The following FBXL7 variants were observed in gnomAD, a reference collection of about 807,000 sequenced individuals.
The protein encoded by FBXL7 is F-box and leucine rich repeat protein 7.
A neutral mutation model predicts 38.3 loss-of-function variants in FBXL7; 12 were observed. The observed-to-expected ratio is 0.31, with a 90% CI of 0.20 to 0.51. The LOEUF (loss-of-function observed/expected upper bound fraction) is 0.51. FBXL7 is among the 20% of genes least tolerant of loss of function. The pLI is 0.98. For synonymous variants in FBXL7, 297 were observed against 300.9 expected, an observed-to-expected ratio of 0.99 and a Z score of 0.13; for missense variants, 567 against 676.4, an observed-to-expected ratio of 0.84 and a Z score of 1.79.
At chr5:15,748,966 C>T (rs1561111079) in intron 2 of FBXL7, among the ~76,000 whole-genome samples, 1 of 152,138 alleles carries the variant, frequency 6.6e-6, no homozygotes, top group Non-Finnish European at 1.5e-5. Flanking sequence ...AACAGTTAGC[C>T]TCGCACGGTG....
At chr5:15,678,314 A>T (rs1742726966) in intron 2 of FBXL7, among the ~76,000 whole-genome samples, 1 of 152,142 alleles carries the variant, frequency 6.6e-6, no homozygotes, top group Admixed American at 6.5e-5. Flanking sequence ...TTTGCTTGGG[A>T]TTCGGTGATA....
At chr5:15,792,968 TG>T in intron 2 of FBXL7, among the ~76,000 whole-genome samples, 1 of 152,144 alleles carries the variant, frequency 6.6e-6, no homozygotes, top group East Asian at 1.9e-4. Flanking sequence ...GGAACTGTCA[TG>T]GGGGAAGGGG....
At chr5:15,510,492 A>G (rs1009058742) in intron 1 of FBXL7, among the ~76,000 whole-genome samples, 7 of 152,192 alleles carry the variant, frequency 4.6e-5, no homozygotes, top group Admixed American at 6.5e-5. Flanking sequence ...GTCTTAACAC[A>G]TTCCAGCTGT....
At chr5:15,590,510 C>T (rs942644062) in intron 1 of FBXL7, among the ~76,000 whole-genome samples, 2 of 152,042 alleles carry the variant, frequency 1.3e-5, no homozygotes, top group African/African-American at 4.8e-5. Context: ...CTACCTCCCA[C>T]CTCCTTTTTC....
intron 2 of FBXL7, among the ~76,000 whole-genome samples, chr5:15,711,608 G>A (rs1324076965): frequency 6.6e-6 from 1 of 152,170 alleles, no homozygotes. Flanking sequence ...CATTAAGGAT[G>A]TTGAAAGCTA....
intron 2 of FBXL7, among the ~76,000 whole-genome samples, chr5:15,817,892 A>C (rs1379357728): frequency 6.6e-6 from 1 of 152,168 alleles, no homozygotes; most frequent in Non-Finnish European, 1.5e-5. Flanking sequence ...ATGTGTCTCC[A>C]TGATCCAGCC....
chr5:15,662,307 T>G (rs1247715400), intron 2 of FBXL7, among the ~76,000 whole-genome samples: 1 of 152,196 alleles, frequency 6.6e-6, no homozygotes, highest in Non-Finnish European at 1.5e-5. Flanking sequence ...TTTTGAAAAG[T>G]GTCCGTTCAT....
chr5:15,847,556 A>C (rs1561150112), intron 2 of FBXL7, among the ~76,000 whole-genome samples: 1 of 152,108 alleles, frequency 6.6e-6, no homozygotes, highest in Admixed American at 6.5e-5. Context: ...TCCTGTATAT[A>C]ATTCACTCCT....
chr5:15,681,158 A>C (rs939319527), intron 2 of FBXL7, among the ~76,000 whole-genome samples: 3 of 152,186 alleles, frequency 2.0e-5, no homozygotes, highest in Admixed American at 1.3e-4. Context: ...ACAATTTGAC[A>C]ACTAGTGTCA....
chr5:15,760,879 G>T (rs555726848), intron 2 of FBXL7, among the ~76,000 whole-genome samples: 1 of 151,898 alleles, frequency 6.6e-6, no homozygotes, highest in Non-Finnish European at 1.5e-5. Flanking sequence ...TTAGCAAAAT[G>T]TCAAATGGGA....
chr5:15,740,910 C>A (rs1735879237), intron 2 of FBXL7, among the ~76,000 whole-genome samples: 1 of 152,144 alleles, frequency 6.6e-6, no homozygotes, highest in South Asian at 2.1e-4. Context: ...AGAACACAAT[C>A]AATTTCACAA....
intron 2 of FBXL7, among the ~76,000 whole-genome samples, chr5:15,622,502 T>C (rs1380681785): frequency 6.6e-6 from 1 of 152,146 alleles, no homozygotes; most frequent in Non-Finnish European, 1.5e-5. Context: ...GTTCTCATTG[T>C]TCAATTCCCA....
intron 2 of FBXL7, among the ~76,000 whole-genome samples, chr5:15,783,395 G>T (rs2126723306): frequency 6.6e-6 from 1 of 152,278 alleles, no homozygotes; most frequent in South Asian, 2.1e-4. Flanking sequence ...GTGGAAAAAA[G>T]GGCTGTCGAA....
chr5:15,500,778 C>G lies in FBXL7; in HGVS notation c.37+65C>G, dbSNP rs1010931938. 26 of 1,573,554 alleles carry G rather than the reference C, an allele frequency of 1.7e-5. No homozygotes were observed. The African/African-American group carries it at 2.2e-4, about 13-fold the overall frequency. On this transcript the variant is annotated intron_variant, in intron 1 of 3. Transcript: ENST00000504595. ...CCTCCTCCCCTTTCCCTCGCCCTCC[C>G]GACTGGGAAGGGAGGTTCTCGCCCG...
chr5:15,930,755 A>G (rs1742017628), intron 3 of FBXL7, among the ~76,000 whole-genome samples: 1 of 152,226 alleles, frequency 6.6e-6, no homozygotes, highest in Admixed American at 6.5e-5. Context: ...AGTTAAGAAC[A>G]CAGAATCCCA....
chr5:15,501,806 TTTTC>T (rs1374939587), intron 1 of FBXL7: 34 of 935,818 alleles, frequency 3.6e-5, no homozygotes, highest in Admixed American at 6.2e-5. Context: ...CACAAGAACC[TTTTC>T]TTTAAGTCAT....
At chr5:15,861,518 A>G (rs1473743607) in intron 2 of FBXL7, among the ~76,000 whole-genome samples, 1 of 152,206 alleles carries the variant, frequency 6.6e-6, no homozygotes, top group Non-Finnish European at 1.5e-5. Context: ...GTGGGAAACT[A>G]CACTGTACTT....
chr5:15,779,793 A>G (rs752873107), intron 2 of FBXL7, among the ~76,000 whole-genome samples: 15 of 152,194 alleles, frequency 9.9e-5, no homozygotes, highest in Non-Finnish European at 2.1e-4. Flanking sequence ...AAAAGTCGTC[A>G]TGGAAAATCT....
chr5:15,624,465 T>C (rs1390803466), intron 2 of FBXL7, among the ~76,000 whole-genome samples: 1 of 152,274 alleles, frequency 6.6e-6, no homozygotes, highest in African/African-American at 2.4e-5. Flanking sequence ...AAATAGCTTT[T>C]GCTTTTATTA....
Sources: gnomAD v4.1 joint callset for allele counts (sites outside exome capture counted in the v4.1 genomes callset) on GRCh38, gnomAD v4.1.1 for gene constraint, MANE v1.5 for transcripts, NCBI Gene and HGNC (gene_info 2026-07-23, HGNC 2026-07-21) for gene names.